USP24: variants seen among roughly 807,000 people sequenced by gnomAD.
The protein encoded by USP24 is ubiquitin carboxyl-terminal hydrolase 24.
Under a neutral mutation model 361.6 loss-of-function variants are expected in USP24, and 97 were observed. The observed-to-expected ratio is 0.27, with a 90% CI of 0.23 to 0.32. The LOEUF (loss-of-function observed/expected upper bound fraction) is 0.32, where lower values mean the gene tolerates loss of function less well. USP24 is among the 10% of genes least tolerant of loss of function. The probability of loss-of-function intolerance (pLI) is 1.00; values close to 1 mark genes in which losing one functional copy is unlikely to be tolerated. For synonymous variants in USP24, 1,098 were observed against 1,124.6 expected (o/e 0.98, Z 0.47); for missense variants, 2,353 against 3,165.6 (o/e 0.74, Z 6.16).
intron 1 of USP24, among the ~76,000 whole-genome samples, chr1:55,187,338 T>A (rs1644161822): frequency 1.3e-5 from 2 of 152,292 alleles, no homozygotes; most frequent in South Asian, 4.1e-4. Context: ...ACAGTGAACA[T>A]CATATTTAAC....
chr1:55,180,271 C>G (rs1643924516), intron 1 of USP24, among the ~76,000 whole-genome samples: 1 of 152,164 alleles, frequency 6.6e-6, no homozygotes. Flanking sequence ...CAGAAAGAGA[C>G]ATGTCTAAGC....
intron 16 of USP24, among the ~76,000 whole-genome samples, chr1:55,152,953 C>T (rs560269080): frequency 6.6e-6 from 1 of 152,254 alleles, no homozygotes; most frequent in South Asian, 2.1e-4. Context: ...TAAAGAAATA[C>T]TTAACAAAAG....
At position 55,078,596 on chromosome 1, in the gene USP24, A is replaced by G; in HGVS notation, c.7256T>C (p.Val2419Ala). Residue 2419 changes from valine to alanine, a missense_variant, in exon 61 of 68, where the codon GTA (valine) becomes GCA (alanine). Physicochemically the swap from Val to Ala is moderately conservative, Grantham distance 64 (BLOSUM62 0). Around this residue, in one of 8 missense-constraint regions of USP24, gnomAD observed 598 missense variants for 761.9 expected, o/e 0.78. Coordinates refer to ENST00000294383, the MANE Select transcript of USP24 (RefSeq NM_015306.3). Reference sequence around the variant, plus strand: ...CTCATTACAGAAACAGCAGTACACTACCATCTCAATGAGTGCCAAGAGCGA... The same window carrying G: ...CTCATTACAGAAACAGCAGTACACTGCCATCTCAATGAGTGCCAAGAGCGA... ...TGSLLALIEM[V>A]VYCCFCNEHF... The G allele has an allele frequency of 6.2e-7, 1 of 1,612,316 alleles. No homozygotes were observed. The highest frequency in any genetic ancestry group is 8.5e-7 in the Non-Finnish European group (1 of 1,179,438).
chr1:55,107,011 T>G (rs1645793183), intron 40 of USP24, among the ~76,000 whole-genome samples: 1 of 152,252 alleles, frequency 6.6e-6, no homozygotes, highest in Non-Finnish European at 1.5e-5. Flanking sequence ...GGAAGTTATG[T>G]GATCCAGCTA....
At chr1:55,072,071 AACCCCTGTCCCTTTTTGTG>A (rs1392868256) in intron 66 of USP24, 147 bp from the exon 67 acceptor site, 1 of 782,820 alleles carries the variant, frequency 1.3e-6, no homozygotes, top group East Asian at 2.7e-5. Context: ...GAACCCCCTC[AACCCCTGTCCCTTTTTGTG>A]ACCAGACTGC....
At chr1:55,071,614 C>G in intron 67 of USP24, 200 bp downstream of exon 67, 1 of 1,149,048 alleles carries the variant, frequency 8.7e-7, no homozygotes, top group East Asian at 2.7e-5. Flanking sequence ...CCATTCACTT[C>G]ACACTGCAGC....
intron 13 of USP24, 91 bp from the exon 14 acceptor site, chr1:55,154,557 G>A (rs144535888): frequency 6.3e-5 from 93 of 1,469,908 alleles, no homozygotes; most frequent in African/African-American, 3.1e-4. Context: ...CATTAACAAC[G>A]TAAGAAAAGT....
chr1:55,195,364 C>T (rs1644388456), intron 1 of USP24, among the ~76,000 whole-genome samples: 1 of 152,160 alleles, frequency 6.6e-6, no homozygotes, highest in African/African-American at 2.4e-5. Context: ...ATCTCTTCAA[C>T]AAAATTTTCG....
chr1:55,162,885 G>A (rs529066361), intron 7 of USP24, among the ~76,000 whole-genome samples: 4 of 152,044 alleles, frequency 2.6e-5, no homozygotes, highest in Non-Finnish European at 2.9e-5. Context: ...GGGCAGAAGT[G>A]ACACTACCAG....
At position 55,081,554 on chromosome 1, in the gene USP24, A is replaced by C. The variant is rs1645148956; in HGVS notation, c.6976-130T>G. ...TTCTCAGTGCTTGACAGAAGAGGTC[A>C]AGGTACAAAAAAATCACAGGTTTTA... On this transcript the variant is annotated intron_variant, in intron 58 of 67. Coordinates refer to ENST00000294383, the MANE Select transcript of USP24 (RefSeq NM_015306.3). The C allele has an allele frequency of 4.7e-6, 4 of 847,894 alleles. No individual in the cohort carries two copies. The South Asian group carries it at 6.6e-5, about 14-fold the overall frequency. The allele number at this position is 847,894 out of a possible 1,614,324, so 52.5% of individuals were successfully genotyped here. A position where few individuals can be genotyped will look rare whatever the true frequency, so the allele number is the denominator to read the frequency against.
intron 22 of USP24, 43 bp downstream of exon 22, chr1:55,142,936 C>T (rs959997234): frequency 1.4e-6 from 2 of 1,453,988 alleles, no homozygotes; most frequent in African/African-American, 2.9e-5. Context: ...ATATAATTTT[C>T]TGCTTTTTTG....
At chr1:55,195,550 A>C (rs1644392470) in intron 1 of USP24, among the ~76,000 whole-genome samples, 1 of 152,196 alleles carries the variant, frequency 6.6e-6, no homozygotes, top group African/African-American at 2.4e-5. Flanking sequence ...AGAAATTACA[A>C]TTTCTTGTTA....
At chr1:55,175,196 G>C (rs1020755750) in intron 3 of USP24, among the ~76,000 whole-genome samples, 5 of 146,810 alleles carry the variant, frequency 3.4e-5, no homozygotes, top group South Asian at 2.2e-4. Context: ...ATTTGCAAAT[G>C]AACTCTTTGT....
At chr1:55,098,358 G>C in intron 46 of USP24, 118 bp downstream of exon 46, 4 of 962,430 alleles carry the variant, frequency 4.2e-6, no homozygotes, top group Non-Finnish European at 6.1e-6. Flanking sequence ...AATACTTATA[G>C]ATCTGTTGAC....
chr1:55,087,978 G>C (rs892986684), intron 55 of USP24, among the ~76,000 whole-genome samples: 1 of 152,228 alleles, frequency 6.6e-6, no homozygotes, highest in African/African-American at 2.4e-5. Flanking sequence ...CAATGAGCCA[G>C]TATGGCTAAA....
chr1:55,075,609 GATTA>G (rs1262739280), intron 62 of USP24, 86 bp from the exon 63 acceptor site: 25 of 843,716 alleles, frequency 3.0e-5, no homozygotes, highest in South Asian at 5.1e-5. Flanking sequence ...CTACCCAAGA[GATTA>G]ATTTAGTGTT....
At chr1:55,194,844 C>G (rs1045496456) in intron 1 of USP24, among the ~76,000 whole-genome samples, 2 of 152,080 alleles carry the variant, frequency 1.3e-5, no homozygotes, top group Non-Finnish European at 2.9e-5. Flanking sequence ...AGTAATTCTA[C>G]CTTATAAATT....
In USP24 at chr1:55,177,991, C is replaced by A. The variant is rs1470904652; in HGVS notation, c.466G>T (p.Ala156Ser). 6 of 1,551,578 alleles carry A rather than the reference C, an allele frequency of 3.9e-6. No individual in the cohort carries two copies. Among genetic ancestry groups the A allele is most frequent in the Non-Finnish European group, 5.2e-6 (6 of 1,146,946 alleles). Residue 156 changes from alanine to serine, a missense_variant, in exon 2 of 68, where the codon GCA becomes TCA. Ala to Ser is a moderately conservative substitution (Grantham distance 99, BLOSUM62 1). Transcript: ENST00000294383. ...CCAAGTCTTGCTAGGTAGGTAGATG[C>A]CAACAGGCATTTGCCTAGTGATTCT... ...REESLGKCLL[A>S]STYLARLGLS...
At chr1:55,208,889 TCACAC>T (rs1330633008) in intron 1 of USP24, among the ~76,000 whole-genome samples, 1 of 151,820 alleles carries the variant, frequency 6.6e-6, no homozygotes, top group Non-Finnish European at 1.5e-5. Flanking sequence ...TGAGCCAAGA[TCACAC>T]CACTGCACTC....
Sources: gnomAD v4.1 joint callset for allele counts (sites outside exome capture counted in the v4.1 genomes callset) on GRCh38, gnomAD v4.1.1 for gene constraint, gnomAD v4.1.1 regional missense constraint, MANE v1.5 for transcripts, NCBI Gene and HGNC (gene_info 2026-07-23, HGNC 2026-07-21) for gene names.